The following HIVEP2 variants were observed in gnomAD, a reference collection of about 807,000 sequenced individuals.
HIVEP2 encodes the protein HIVEP zinc finger 2, also known as transcription factor HIVEP2.
Under a neutral mutation model 180.7 loss-of-function variants are expected in HIVEP2, and 14 were observed. The observed-to-expected ratio is 0.08, with a 90% CI of 0.05 to 0.12. HIVEP2 has a LOEUF of 0.12. Ranked by LOEUF, HIVEP2 falls within the 10% of genes least tolerant of loss-of-function variation. The pLI, the probability that HIVEP2 is intolerant of heterozygous loss-of-function variation, is 1.00. For missense variants in HIVEP2, 2,579 were observed against 3,008.5 expected (o/e 0.86, Z 3.34); for synonymous variants, 1,184 against 1,136.4 (o/e 1.04, Z -0.84).
chr6:142,853,722 A>G (rs2114932152), intron 1 of HIVEP2, among the ~76,000 whole-genome samples: 1 of 152,202 alleles, frequency 6.6e-6, no homozygotes, highest in East Asian at 1.9e-4. Flanking sequence ...ACAAAGTAAG[A>G]ATAGCAAGAC....
chr6:142,779,980 T>C (rs560655028), intron 3 of HIVEP2, among the ~76,000 whole-genome samples: 2 of 152,324 alleles, frequency 1.3e-5, no homozygotes, highest in South Asian at 2.1e-4. Flanking sequence ...AAGTTAATTG[T>C]TTAATTTTTA....
intron 1 of HIVEP2, among the ~76,000 whole-genome samples, chr6:142,907,391 A>G (rs1348188266): frequency 6.6e-6 from 1 of 152,202 alleles, no homozygotes; most frequent in African/African-American, 2.4e-5. Flanking sequence ...TTACCCCTAG[A>G]GAGTCTCAGC....
intron 2 of HIVEP2, among the ~76,000 whole-genome samples, chr6:142,821,861 G>A (rs1470009377): frequency 6.6e-6 from 1 of 152,160 alleles, no homozygotes; most frequent in African/African-American, 2.4e-5. Context: ...GATGCCATGG[G>A]ACATAGAGGC....
At chr6:142,782,548 A>T (rs1223193649) in intron 3 of HIVEP2, among the ~76,000 whole-genome samples, 1 of 152,218 alleles carries the variant, frequency 6.6e-6, no homozygotes, top group Admixed American at 6.5e-5. Flanking sequence ...TTCATTATAA[A>T]GGCTTCTTTT....
chr6:142,911,881 C>T (rs1777418742), intron 1 of HIVEP2, among the ~76,000 whole-genome samples: 1 of 152,132 alleles, frequency 6.6e-6, no homozygotes, highest in Non-Finnish European at 1.5e-5. Flanking sequence ...ACTGACCGCT[C>T]ATCATTTCAT....
At chr6:142,765,056 C>T (rs936319029) in intron 6 of HIVEP2, 82 bp from the exon 7 acceptor site, 48 of 1,323,640 alleles carry the variant, frequency 3.6e-5, no homozygotes, top group East Asian at 1.4e-4. Context: ...ATTATTTGCA[C>T]GGCAAAGTTT....
intron 1 of HIVEP2, among the ~76,000 whole-genome samples, chr6:142,916,848 A>C (rs975035432): frequency 6.6e-6 from 1 of 152,216 alleles, no homozygotes; most frequent in African/African-American, 2.4e-5. Flanking sequence ...TTTGTTAAAT[A>C]ATCAACAGTA....
chr6:142,776,922 G>A (rs1222427313), intron 3 of HIVEP2, among the ~76,000 whole-genome samples: 2 of 152,094 alleles, frequency 1.3e-5, no homozygotes, highest in African/African-American at 4.8e-5. Flanking sequence ...TCATAGCAAA[G>A]TGAAGGAGTC....
At chr6:142,936,203 T>C (rs942483555) in intron 1 of HIVEP2, among the ~76,000 whole-genome samples, 7 of 151,542 alleles carry the variant, frequency 4.6e-5, no homozygotes, top group African/African-American at 7.3e-5. Flanking sequence ...CTCTCTCTCT[T>C]TTTTTTTGAG....
rs370395752 is a variant in HIVEP2 at position 142,770,476 on chromosome 6, G to A, written c.4263C>T (p.Ile1421=). 5 of 1,614,092 alleles carry A rather than the reference G, an allele frequency of 3.1e-6. No individual in the cohort carries two copies. The highest frequency in any genetic ancestry group is 3.4e-6 in the Non-Finnish European group (4 of 1,180,052). Residue 1421 remains isoleucine, a synonymous_variant, in exon 5 of 10, where the codon ATC becomes ATT. Transcript: ENST00000367603. This position sits in a 1 kb window ranked among gnomAD's most constrained non-coding sequence, Gnocchi z 4.7. The stretch of plus-strand genomic sequence containing the variant: ...CAGAGGTGGAAGGTAAACACAAGGG[G>A]ATGGAGGATTCTAAGCCGAGGGGCA... The part of the protein sequence containing the change: ...QTLPLGLESS[I]PLCLPSTSDS...
rs969383598 is a variant in HIVEP2 at position 142,773,668 on chromosome 6, A to C, written c.1071T>G (p.Thr357=). The part of the protein sequence containing the change: ...PDMLPNPSLN[T]KADDSHTVKQ... ...TGACTGTGTGCGAATCATCAGCCTT[A>C]GTATTTAAAGATGGATTTGGTAGCA... is the stretch of plus-strand genomic sequence containing the variant. The change falls in exon 5 of 10, where the codon ACT becomes ACG. Residue 357 remains threonine (T), a synonymous_variant. Transcript: ENST00000367603. The C allele has an allele frequency of 6.2e-7, 1 of 1,614,192 alleles. No homozygotes were observed. The highest frequency in any genetic ancestry group is 1.3e-5 in the African/African-American group (1 of 75,040).
At chr6:142,834,233 G>C (rs1055520639) in intron 2 of HIVEP2, among the ~76,000 whole-genome samples, 7 of 152,096 alleles carry the variant, frequency 4.6e-5, no homozygotes, top group African/African-American at 1.4e-4. Context: ...AAAGAGAAAG[G>C]AGAGATAAAC....
intron 1 of HIVEP2, among the ~76,000 whole-genome samples, chr6:142,910,475 G>A (rs1161157860): frequency 6.6e-6 from 1 of 152,210 alleles, no homozygotes; most frequent in Admixed American, 6.5e-5. Flanking sequence ...GGTGGCGCAT[G>A]CCTGTAGTCC....
intron 1 of HIVEP2, among the ~76,000 whole-genome samples, chr6:142,934,568 T>C (rs1459720142): frequency 2.0e-5 from 3 of 152,238 alleles, no homozygotes; most frequent in South Asian, 2.1e-4. Context: ...AGAAAATAAA[T>C]TGAATGTTTA....
intron 2 of HIVEP2, among the ~76,000 whole-genome samples, chr6:142,820,825 A>T (rs1481532744): frequency 6.6e-6 from 1 of 152,222 alleles, no homozygotes; most frequent in East Asian, 1.9e-4. Context: ...TAAAAGTGGT[A>T]CATAACAGAA....
At chr6:142,761,768 G>A (rs867328408) in intron 7 of HIVEP2, among the ~76,000 whole-genome samples, 1 of 152,070 alleles carries the variant, frequency 6.6e-6, no homozygotes, top group Non-Finnish European at 1.5e-5. Context: ...GAGAGCTTTG[G>A]CCCAATCTCA....
At chr6:142,888,933 T>C (rs1045998704) in intron 1 of HIVEP2, among the ~76,000 whole-genome samples, 12 of 152,214 alleles carry the variant, frequency 7.9e-5, no homozygotes, top group Non-Finnish European at 1.8e-4. Flanking sequence ...AACATAACTC[T>C]GACTATACTG....
At chr6:142,907,297 C>G (rs1009534660) in intron 1 of HIVEP2, among the ~76,000 whole-genome samples, 2 of 152,150 alleles carry the variant, frequency 1.3e-5, no homozygotes, top group African/African-American at 4.8e-5. Flanking sequence ...TCTCAACTTA[C>G]AACCACCTGA....
At chr6:142,915,739 C>T (rs1162963594) in intron 1 of HIVEP2, among the ~76,000 whole-genome samples, 3 of 152,094 alleles carry the variant, frequency 2.0e-5, no homozygotes, top group East Asian at 1.9e-4. Context: ...ACTCTCTTTT[C>T]GTCTCTGTTC....
Sources: allele counts gnomAD v4.1 joint callset (sites outside exome capture counted in the v4.1 genomes callset), GRCh38; gene constraint gnomAD v4.1.1; non-coding constraint Gnocchi (gnomAD v3.1); transcripts MANE v1.5; gene names NCBI Gene and HGNC (gene_info 2026-07-23, HGNC 2026-07-21).